ADD1: variants seen among roughly 807,000 people sequenced by gnomAD.
ADD1 encodes alpha-adducin.
In ADD1, 24 loss-of-function variants were observed where a neutral mutation model predicts 80.5. The observed-to-expected ratio is 0.30, with a 90% CI of 0.22 to 0.42. ADD1 has a LOEUF of 0.42. Among genes scored for constraint, ADD1 ranks in the 10% least tolerant of loss-of-function variants. The pLI, the probability that ADD1 is intolerant of heterozygous loss-of-function variation, is 1.00. For missense variants in ADD1, 948 were observed against 1,019.0 expected (o/e 0.93, Z 0.95); for synonymous variants, 373 against 393.8 (o/e 0.95, Z 0.63).
At chr4:2,882,535 A>G (rs1172491095) in intron 3 of ADD1, among the ~76,000 whole-genome samples, 1 of 152,234 alleles carries the variant, frequency 6.6e-6, no homozygotes, top group Non-Finnish European at 1.5e-5. Context: ...ATGGCAATTG[A>G]GTTTGCAAAT....
intron 1 of ADD1, among the ~76,000 whole-genome samples, chr4:2,853,397 G>A (rs563727651): frequency 2.6e-5 from 4 of 151,998 alleles, no homozygotes; most frequent in Non-Finnish European, 5.9e-5. Context: ...GTGAGCCACC[G>A]GCGTCTTTTT....
chr4:2,921,113 A>G lies in ADD1; in HGVS notation c.1949-4901A>G, dbSNP rs193141293. Among the ~76,000 whole-genome samples, 9 of 152,218 alleles carry G rather than the reference A, an allele frequency of 5.9e-5. No individual in the cohort carries two copies. In the East Asian group the frequency reaches 1.2e-3, roughly 20 times the overall value. On this transcript the variant is annotated intron_variant, in intron 14 of 15. Coordinates refer to ENST00000683351, the MANE Select transcript of ADD1 (RefSeq NM_001354761.2). ...CTTACGAAGCTTAGTTTGGCTGGATATGAAATTCTGGGCTGAAAATTCTTT... is the reference window on the plus strand; with the variant it reads ...CTTACGAAGCTTAGTTTGGCTGGATGTGAAATTCTGGGCTGAAAATTCTTT...
At chr4:2,925,098 G>GC (rs941974805) in intron 14 of ADD1, among the ~76,000 whole-genome samples, 1 of 152,214 alleles carries the variant, frequency 6.6e-6, no homozygotes, top group African/African-American at 2.4e-5. Flanking sequence ...CTGGCCCTTG[G>GC]CATGGGCTGA....
chr4:2,914,737 T>G, intron 13 of ADD1, 147 bp from the exon 14 acceptor site: 3 of 841,402 alleles, frequency 3.6e-6, no homozygotes, highest in Non-Finnish European at 3.7e-6. Context: ...CAGCTCAGCC[T>G]AGGCCTCGGG....
chr4:2,909,029 C>T, intron 12 of ADD1: 2 of 473,110 alleles, frequency 4.2e-6, no homozygotes, highest in South Asian at 4.5e-5. Context: ...TGCACATTTA[C>T]ACACATTTCT....
chr4:2,928,664 C>G lies in ADD1; in HGVS notation c.*141C>G, dbSNP rs1388728720. The stretch of plus-strand genomic sequence containing the variant: ...AGAGGTCCCCTCACGTGACCAGCCC[C>G]GTGTAGCCCCGGGCTGACCCAGTGT... On this transcript the variant is annotated 3_prime_UTR_variant, in exon 16 of 16. Coordinates refer to ENST00000683351, the MANE Select transcript of ADD1 (RefSeq NM_001354761.2). 1.2e-6 allele frequency: 1 copy of G among 856,284 alleles called. No homozygotes were observed. Among genetic ancestry groups the G allele is most frequent in the South Asian group, 1.7e-5 (1 of 59,582 alleles). 53.0% of individuals were successfully genotyped at this position (856,284 alleles called of 1,614,324 possible).
intron 4 of ADD1, among the ~76,000 whole-genome samples, chr4:2,893,118 G>A (rs1177264338): frequency 1.3e-5 from 2 of 151,770 alleles, no homozygotes; most frequent in South Asian, 2.1e-4. Flanking sequence ...TAGTAGAGAC[G>A]GGGTTTTGCC....
chr4:2,894,672 T>C lies in ADD1; in HGVS notation c.682T>C (p.Tyr228His). ...CGGCTTCACCTTACACTCTGCAATT[T>C]ATGCTGCACGCCCGGACGTGAAGTG... Reference protein sequence around the residue: ...QAGFTLHSAIYAARPDVKCVV... With the variant: ...QAGFTLHSAIHAARPDVKCVV... Residue 228 changes from tyrosine to histidine, a missense_variant, in exon 6 of 16, where the codon TAT becomes CAT. Coordinates refer to ENST00000683351, the MANE Select transcript of ADD1 (RefSeq NM_001354761.2). The C allele has an allele frequency of 1.9e-6, 3 of 1,603,854 alleles. No homozygotes were observed. The highest frequency in any genetic ancestry group is 2.5e-6 in the Non-Finnish European group (3 of 1,177,348).
intron 1 of ADD1, among the ~76,000 whole-genome samples, chr4:2,871,641 G>T (rs532652753): frequency 6.6e-6 from 1 of 152,268 alleles, no homozygotes; most frequent in African/African-American, 2.4e-5. Context: ...AAAATAGACA[G>T]CACGGTGTGA....
chr4:2,928,405 A>T lies in ADD1; in HGVS notation c.2282A>T (p.Glu761Val). The T allele has an allele frequency of 6.2e-7, 1 of 1,613,134 alleles. No individual in the cohort carries two copies. Among genetic ancestry groups the T allele is most frequent in the Non-Finnish European group, 8.5e-7 (1 of 1,179,898 alleles). The stretch of plus-strand genomic sequence containing the variant: ...GAGGCTGCCCCCTCAGCTGTCGAGG[A>T]GGGGGCCGCCGCGGACCCTGGCAGC... Reference protein sequence around the residue: ...AEEAAPSAVEEGAAADPGSDG... With the variant: ...AEEAAPSAVEVGAAADPGSDG... Residue 761 changes from glutamate to valine, a missense_variant, in exon 16 of 16, where the codon GAG becomes GTG. Glu to Val is a moderately radical substitution (Grantham distance 121). Coordinates refer to ENST00000683351, the MANE Select transcript of ADD1 (RefSeq NM_001354761.2).
intron 4 of ADD1, among the ~76,000 whole-genome samples, chr4:2,892,832 CAAAAACAAAAATA>C (rs1734532946): frequency 7.4e-6 from 1 of 135,314 alleles, no homozygotes; most frequent in Non-Finnish European, 1.6e-5. Context: ...GACCCCATCT[CAAAAACAAAAATA>C]AAAAACAAAA....
At chr4:2,868,778 C>G (rs903447286) in intron 1 of ADD1, among the ~76,000 whole-genome samples, 1 of 151,988 alleles carries the variant, frequency 6.6e-6, no homozygotes, top group Admixed American at 6.6e-5. Flanking sequence ...TGAAAGTGGC[C>G]ATGGGAGAGG....
chr4:2,856,806 G>C (rs932139120), intron 1 of ADD1, among the ~76,000 whole-genome samples: 4 of 152,008 alleles, frequency 2.6e-5, no homozygotes, highest in African/African-American at 9.7e-5. Context: ...GGCCAGGCTG[G>C]TCTCAAACTC....
At chr4:2,870,903 A>G (rs1319126378) in intron 1 of ADD1, among the ~76,000 whole-genome samples, 1 of 152,176 alleles carries the variant, frequency 6.6e-6, no homozygotes, top group African/African-American at 2.4e-5. Flanking sequence ...TAGTTTGTGA[A>G]TTGACTGTAG....
At chr4:2,927,155 T>C (rs917660765) in intron 15 of ADD1, among the ~76,000 whole-genome samples, 24 of 152,216 alleles carry the variant, frequency 1.6e-4, no homozygotes, top group Admixed American at 1.6e-3. Context: ...ATGGCAGCTC[T>C]CCAGAGCGAG....
At chr4:2,865,687 C>T (rs1378923941) in intron 1 of ADD1, among the ~76,000 whole-genome samples, 2 of 152,166 alleles carry the variant, frequency 1.3e-5, no homozygotes, top group Non-Finnish European at 2.9e-5. Flanking sequence ...TACCTTCCCC[C>T]TGCTCCAGAA....
chr4:2,911,431 C>CATATATATATATATATATATATATATAT (rs1553848842), intron 13 of ADD1, among the ~76,000 whole-genome samples: 6 of 140,882 alleles, frequency 4.3e-5, no homozygotes, highest in Admixed American at 7.0e-5. Context: ...ACCTGAAATA[C>CATATATATATATATATATATATATATAT]ATATATATAT....
intron 1 of ADD1, among the ~76,000 whole-genome samples, chr4:2,852,274 CTTCCTTCTTTTCTT>C (rs765573050): frequency 9.0e-6 from 1 of 111,320 alleles, no homozygotes; most frequent in Admixed American, 9.3e-5. Flanking sequence ...TCCTTCCTTC[CTTCCTTCTTTTCTT>C]TTCTTTTCTT....
intron 14 of ADD1, 148 bp downstream of exon 14, chr4:2,915,188 C>A: frequency 1.1e-6 from 1 of 902,170 alleles, no homozygotes; most frequent in Non-Finnish European, 1.6e-6. Flanking sequence ...TACTCATTTC[C>A]AACCTAGTCA....
Sources: gnomAD v4.1 joint callset for allele counts (sites outside exome capture counted in the v4.1 genomes callset) on GRCh38, gnomAD v4.1.1 for gene constraint, MANE v1.5 for transcripts, NCBI Gene and HGNC (gene_info 2026-07-23, HGNC 2026-07-21) for gene names.